PIK3R4: variants seen among roughly 807,000 people sequenced by gnomAD.
The protein encoded by PIK3R4 is phosphoinositide 3-kinase regulatory subunit 4.
Under a neutral mutation model 136.5 loss-of-function variants are expected in PIK3R4, and 46 were observed. The ratio of observed to expected loss-of-function variants is 0.34; its 90% CI spans 0.27 to 0.43. The LOEUF (loss-of-function observed/expected upper bound fraction) is 0.43, where lower values mean the gene tolerates loss of function less well. PIK3R4 is among the 20% of genes least tolerant of loss of function. The pLI, the probability that PIK3R4 is intolerant of heterozygous loss-of-function variation, is 1.00. For missense variants in PIK3R4, 1,331 were observed against 1,649.5 expected (o/e 0.81, Z 3.35); for synonymous variants, 557 against 566.7 (o/e 0.98, Z 0.24).
intron 19 of PIK3R4, 158 bp downstream of exon 19, chr3:130,680,455 A>AAAGTT: frequency 2.0e-6 from 1 of 488,556 alleles, no homozygotes; most frequent in Non-Finnish European, 3.7e-6. Context: ...TACCTTAATA[A>AAAGTT]AAGTTAATTT....
intron 7 of PIK3R4, among the ~76,000 whole-genome samples, chr3:130,720,218 G>C (rs145460596): frequency 6.6e-6 from 1 of 151,322 alleles, no homozygotes. Context: ...TTTTTGAGAC[G>C]GAGTTTCGCT....
intron 2 of PIK3R4, among the ~76,000 whole-genome samples, chr3:130,743,663 C>G: frequency 6.6e-6 from 1 of 152,132 alleles, no homozygotes; most frequent in East Asian, 1.9e-4. Context: ...ACAATTCTAT[C>G]TACTAATTAT....
chr3:130,692,116 C>T (rs1007196375), intron 13 of PIK3R4, among the ~76,000 whole-genome samples: 1 of 151,940 alleles, frequency 6.6e-6, no homozygotes, highest in Non-Finnish European at 1.5e-5. Context: ...ACCTAGTGAT[C>T]CGCCTGCCTC....
rs147702111 is a variant in PIK3R4, at chr3:130,722,423, G to T, written c.1981+991C>A. On this transcript the variant is annotated intron_variant, in intron 7 of 19. Transcript: ENST00000356763. ...GTCCAGAAAAATCTCCACAAACTTT[G>T]AGTGCAGGGGTAAAAAACTATTTTC... Among the ~76,000 whole-genome samples the T allele has an allele frequency of 3.7e-3, 556 of 152,222 alleles. 4 individuals are homozygous for T. Among genetic ancestry groups the T allele is most frequent in the African/African-American group, 0.012 (517 of 41,546 alleles).
intron 14 of PIK3R4, among the ~76,000 whole-genome samples, chr3:130,687,319 G>A (rs2066495585): frequency 6.6e-6 from 1 of 152,218 alleles, no homozygotes; most frequent in Non-Finnish European, 1.5e-5. Context: ...AGTTTTTGGA[G>A]CATTTTGGAT....
At chr3:130,735,318 A>G (rs1277298139) in intron 3 of PIK3R4, among the ~76,000 whole-genome samples, 1 of 152,028 alleles carries the variant, frequency 6.6e-6, no homozygotes, top group East Asian at 1.9e-4. Context: ...GATGCCCTCA[A>G]ACAATAATGT....
chr3:130,718,251 A>G (rs1440946963), intron 8 of PIK3R4, 138 bp downstream of exon 8: 4 of 691,706 alleles, frequency 5.8e-6, no homozygotes, highest in Non-Finnish European at 9.6e-6. Flanking sequence ...AACATTAATT[A>G]GCTTGAAAGG....
Position 130,734,072 on chromosome 3 carries a change from T to G in PIK3R4, c.926A>C (p.Lys309Thr), listed in dbSNP as rs1004957843. The G allele has an allele frequency of 1.9e-6, 3 of 1,614,046 alleles. No individual in the cohort carries two copies. The highest frequency in any genetic ancestry group is 2.2e-5 in the East Asian group (1 of 44,902). The change falls in exon 4 of 20, where the codon AAA becomes ACA. Residue 309 changes from lysine (K) to threonine (T), a missense_variant. Physicochemically the swap from Lys to Thr is moderately conservative, Grantham distance 78 (BLOSUM62 -1). Around this residue, in one of 2 missense-constraint regions of PIK3R4, gnomAD observed 1,180 missense variants for 1,407.0 expected, o/e 0.84. Transcript: ENST00000356763. ...DKRLEAEDYL[K>T]QQRGNAFPEI... ...AGGAAAGGCATTGCCACGCTGCTGT[T>G]TTAAGTAATCTTCTGCCTCTAAACG...
chr3:130,733,930 AT>A lies in PIK3R4; in HGVS notation c.1067del (p.Asn356IlefsTer27), dbSNP rs1440233837. 6.2e-7 allele frequency: 1 copy of A among 1,614,144 alleles called. No individual in the cohort carries two copies. The highest frequency in any genetic ancestry group is 1.7e-5 in the Admixed American group (1 of 60,016). ...IRKDLGNIIH[N>X]LCGHDLPEKA... ...TTTCTGGCAGATCATGTCCACAGAG[AT>A]TGTGAATAATGTTGCCCAAATCCTT... On this transcript the variant is annotated frameshift_variant, in exon 4 of 20. Coordinates refer to ENST00000356763, the MANE Select transcript of PIK3R4 (RefSeq NM_014602.3). LOFTEE classifies it high-confidence loss of function.
rs1346929618 is a variant in PIK3R4 at position 130,686,201 on chromosome 3, G to A, written c.3475+10C>T. ...TCAAAACCCAGCCAATGACTTGAAA[G>A]TTAGCTTACCAATGCAGAGCCAGCA... On this transcript the variant is annotated intron_variant, in intron 15 of 19. Transcript: ENST00000356763. The A allele has an allele frequency of 6.3e-6, 10 of 1,587,346 alleles. No homozygotes were observed. The highest frequency in any genetic ancestry group is 8.7e-6 in the Non-Finnish European group (10 of 1,155,908).
rs2066436650 is a variant in PIK3R4 at position 130,679,048 on chromosome 3, TCATATTTTA to T, written c.*258_*266del. On this transcript the variant is annotated 3_prime_UTR_variant, in exon 20 of 20. Transcript: ENST00000356763. The stretch of plus-strand genomic sequence containing the variant: ...CAATACAAAATAAACATATTCATTT[TCATATTTTA>T]CATTTCTCACCTCTATAACATATAC... The T allele has an allele frequency of 4.8e-6, 1 of 209,200 alleles. No individual in the cohort carries two copies. Among genetic ancestry groups the T allele is most frequent in the Non-Finnish European group, 9.4e-6 (1 of 105,974 alleles). 13.0% of individuals were successfully genotyped at this position (209,200 alleles called of 1,614,324 possible).
At chr3:130,679,586 A>C in intron 19 of PIK3R4, 101 bp from the exon 20 acceptor site, 1 of 759,036 alleles carries the variant, frequency 1.3e-6, no homozygotes, top group East Asian at 2.6e-5. Context: ...TGTTGTATTT[A>C]AGTTAACACC....
intron 7 of PIK3R4, among the ~76,000 whole-genome samples, chr3:130,719,043 T>C (rs1345930964): frequency 2.6e-5 from 4 of 152,314 alleles, no homozygotes; most frequent in African/African-American, 9.6e-5. Context: ...ATATTCTTTT[T>C]AATGCAGGAG....
chr3:130,715,976 A>G (rs539488282), intron 9 of PIK3R4, among the ~76,000 whole-genome samples: 20 of 152,352 alleles, frequency 1.3e-4, no homozygotes, highest in African/African-American at 4.6e-4. Context: ...TACAAGTATT[A>G]ATTACAAATT....
chr3:130,691,893 GAGAC>G (rs2066521926), intron 13 of PIK3R4, among the ~76,000 whole-genome samples: 1 of 47,618 alleles, frequency 2.1e-5, no homozygotes, highest in Non-Finnish European at 3.9e-5. Flanking sequence ...TTTTTTTTCT[GAGAC>G]AGAGTCTCAC....
chr3:130,743,628 T>G (rs2066836612), intron 2 of PIK3R4, among the ~76,000 whole-genome samples: 1 of 152,118 alleles, frequency 6.6e-6, no homozygotes, highest in Non-Finnish European at 1.5e-5. Context: ...TTCCTGTGAC[T>G]TCACCTTCCA....
In PIK3R4 at chr3:130,723,484, A is replaced by G; in HGVS notation, c.1911T>C (p.Tyr637=). 7 of 1,614,130 alleles carry G rather than the reference A, an allele frequency of 4.3e-6. No individual in the cohort carries two copies. The highest frequency in any genetic ancestry group is 5.9e-6 in the Non-Finnish European group (7 of 1,179,998). The change falls in exon 7 of 20, where the codon TAT becomes TAC. Residue 637 remains tyrosine (Y), a synonymous_variant. Coordinates refer to ENST00000356763, the MANE Select transcript of PIK3R4 (RefSeq NM_014602.3). ...AEEFVIVKAL[Y]ALTCMCQLGL... ...CTAACTGGCACATACAAGTAAGGGCATAAAGAGCTTTCACAATGACAAATT... is the reference window on the plus strand; with the variant it reads ...CTAACTGGCACATACAAGTAAGGGCGTAAAGAGCTTTCACAATGACAAATT...
intron 2 of PIK3R4, among the ~76,000 whole-genome samples, chr3:130,740,605 T>C (rs2066816885): frequency 6.6e-6 from 1 of 151,958 alleles, no homozygotes; most frequent in Non-Finnish European, 1.5e-5. Flanking sequence ...CCAGGCATGG[T>C]GGCACATGCC....
At position 130,730,387 on chromosome 3, in the gene PIK3R4, T is replaced by A; in HGVS notation, c.1506A>T (p.Leu502Phe). Reference protein sequence around the residue: ...TALRFLELVQLKNLNMENDPN... With the variant: ...TALRFLELVQFKNLNMENDPN... ...GGTCATTTTCCATATTAAGATTTTT[T>A]AACTGTACTAATTCCAGGAATCTCA... Residue 502 changes from leucine (L) to phenylalanine (F), a missense_variant, in exon 5 of 20, where the codon TTA (leucine) becomes TTT (phenylalanine). Around this residue, in one of 2 missense-constraint regions of PIK3R4, gnomAD observed 1,180 missense variants for 1,407.0 expected, o/e 0.84. Coordinates refer to ENST00000356763, the MANE Select transcript of PIK3R4 (RefSeq NM_014602.3). The A allele has an allele frequency of 6.2e-7, 1 of 1,603,056 alleles. No individual in the cohort carries two copies. Among genetic ancestry groups the A allele is most frequent in the Middle Eastern group, 1.7e-4 (1 of 6,030 alleles).
Sources: gnomAD v4.1 joint callset for allele counts (sites outside exome capture counted in the v4.1 genomes callset) on GRCh38, gnomAD v4.1.1 for gene constraint, gnomAD v4.1.1 regional missense constraint, MANE v1.5 for transcripts, NCBI Gene and HGNC (gene_info 2026-07-23, HGNC 2026-07-21) for gene names.